Variants in RTL9 observed in about 807,000 individuals in gnomAD.
RTL9 encodes the protein retrotransposon Gag-like protein 9.
A neutral mutation model predicts 44.7 loss-of-function variants in RTL9; 19 were observed. The ratio of observed to expected loss-of-function variants is 0.42; its 90% CI spans 0.30 to 0.62. The LOEUF (loss-of-function observed/expected upper bound fraction) is 0.62. Ranked by LOEUF, RTL9 falls within the 20% of genes least tolerant of loss-of-function variation. RTL9 has a pLI of 0.16. For missense variants in RTL9, 1,105 were observed against 1,080.6 expected, an observed-to-expected ratio of 1.02 and a Z score of -0.32; for synonymous variants, 407 against 398.9, an observed-to-expected ratio of 1.02 and a Z score of -0.24.
At chrX:110,451,821 C>T (rs994816196) in exon 1 of RTL9, 2 of 1,209,195 alleles carry the variant, frequency 1.7e-6, no homozygotes, top group African/African-American at 1.8e-5. Flanking sequence ...GTCTGCACCA[C>T]CAGTAAGAGC....
At chrX:110,365,119 T>C (rs916650233) in intron 1 of RTL9, among the ~76,000 whole-genome samples, 1 of 111,960 alleles carries the variant, frequency 8.9e-6, no homozygotes, top group Admixed American at 9.5e-5. Flanking sequence ...CCCAGGGATG[T>C]CTTTCTCAGA....
chrX:110,430,275 A>T (rs947678572), intron 1 of RTL9, among the ~76,000 whole-genome samples: 1 of 112,987 alleles, frequency 8.9e-6, no homozygotes, highest in Non-Finnish European at 1.9e-5. Context: ...TCTGGTATTA[A>T]CAAAGAACAG....
At chrX:110,423,930 C>G (rs986203679) in intron 1 of RTL9, among the ~76,000 whole-genome samples, 5 of 112,391 alleles carry the variant, frequency 4.4e-5, no homozygotes, top group Admixed American at 9.4e-5. Context: ...TAAAGGATGT[C>G]TGTAGTTTTT....
chrX:110,429,470 T>TTG lies in RTL9; in HGVS notation c.-168+10336_-168+10337insGT, dbSNP rs1569428139. ...TTAGAGAAAAAGTGTTTTTTTTTTT[T>TTG]TTTGTTTTGTTTTTTTGGTTTTTTT... is the stretch of plus-strand genomic sequence containing the variant. On this transcript the variant is annotated intron_variant, in intron 1 of 3. Coordinates refer to the RTL9 transcript ENST00000465301. Among the ~76,000 whole-genome samples, 38 of 79,418 alleles carry TTG rather than the reference T, an allele frequency of 4.8e-4. 1 individual carries two copies. The highest frequency in any genetic ancestry group is 4.5e-3 in the African/African-American group (35 of 7,859). 69.0% of individuals were successfully genotyped at this position (79,418 alleles called of 115,157 possible).
chrX:110,373,627 C>G (rs944925268), intron 1 of RTL9, among the ~76,000 whole-genome samples: 3 of 112,479 alleles, frequency 2.7e-5, no homozygotes, highest in Non-Finnish European at 5.6e-5. Flanking sequence ...CAAGAAACTA[C>G]AGATAATACA....
intron 1 of RTL9, among the ~76,000 whole-genome samples, chrX:110,426,153 CG>C (rs1220041640): frequency 8.9e-6 from 1 of 111,956 alleles, no homozygotes; most frequent in African/African-American, 3.3e-5. Flanking sequence ...TAACCTAAAG[CG>C]GGGGTTTTGC....
At chrX:110,409,396 C>T (rs1470966924) in intron 1 of RTL9, among the ~76,000 whole-genome samples, 1 of 111,781 alleles carries the variant, frequency 8.9e-6, no homozygotes, top group Non-Finnish European at 1.9e-5. Context: ...GTTGTGTTTA[C>T]ATTCTCACTT....
intron 1 of RTL9, among the ~76,000 whole-genome samples, chrX:110,440,412 T>A (rs2068871540): frequency 1.8e-5 from 2 of 111,832 alleles, no homozygotes; most frequent in African/African-American, 6.5e-5. Context: ...AAGATCTGGG[T>A]CGCTGTGGGT....
chrX:110,408,017 A>G (rs1439359705), intron 1 of RTL9, among the ~76,000 whole-genome samples: 3 of 112,476 alleles, frequency 2.7e-5, no homozygotes, highest in Non-Finnish European at 5.6e-5. Flanking sequence ...ATATGCCGCA[A>G]AATGCACCCT....
chrX:110,392,362 A>T (rs753272351), intron 1 of RTL9, among the ~76,000 whole-genome samples: 4 of 107,427 alleles, frequency 3.7e-5, no homozygotes, highest in Non-Finnish European at 7.7e-5. Flanking sequence ...TGCAGCCTCA[A>T]ACTCCTGGGC....
chrX:110,426,224 G>GAGAATA (rs1414031930), intron 1 of RTL9, among the ~76,000 whole-genome samples: 1 of 112,483 alleles, frequency 8.9e-6, no homozygotes, highest in Non-Finnish European at 1.9e-5. Context: ...GATTCAGCCA[G>GAGAATA]AGAATAGTTA....
intron 1 of RTL9, among the ~76,000 whole-genome samples, chrX:110,405,816 C>T (rs1423796505): frequency 2.7e-5 from 3 of 111,796 alleles, no homozygotes; most frequent in African/African-American, 9.8e-5. Flanking sequence ...AACTTAAACG[C>T]AGATCCACCT....
chrX:110,383,662 C>G (rs1024216319), intron 1 of RTL9, among the ~76,000 whole-genome samples: 1 of 111,894 alleles, frequency 8.9e-6, no homozygotes, highest in South Asian at 3.7e-4. Flanking sequence ...AACATCCTTA[C>G]TCTTCTTATC....
At chrX:110,375,635 G>A (rs2068371409) in intron 1 of RTL9, among the ~76,000 whole-genome samples, 1 of 111,929 alleles carries the variant, frequency 8.9e-6, no homozygotes. Flanking sequence ...TGAAATCAGG[G>A]ATGGGGAAAT....
chrX:110,369,257 G>A (rs1052434589), intron 1 of RTL9, among the ~76,000 whole-genome samples: 7 of 111,146 alleles, frequency 6.3e-5, no homozygotes, highest in Non-Finnish European at 3.8e-5. Flanking sequence ...GCTTGAACCC[G>A]GGGGGTGGAG....
intron 1 of RTL9, among the ~76,000 whole-genome samples, chrX:110,377,225 A>G (rs1404086254): frequency 8.9e-6 from 1 of 112,080 alleles, no homozygotes; most frequent in Admixed American, 9.4e-5. Context: ...GACTAAGAAT[A>G]AAATTCACTT....
chrX:110,399,526 T>C (rs2068550287), intron 1 of RTL9, among the ~76,000 whole-genome samples: 1 of 112,433 alleles, frequency 8.9e-6, no homozygotes, highest in Non-Finnish European at 1.9e-5. Flanking sequence ...CTTAAAAAGA[T>C]TTGTTCACAG....
At chrX:110,367,984 T>TTAA (rs2068309740) in intron 1 of RTL9, among the ~76,000 whole-genome samples, 1 of 99,827 alleles carries the variant, frequency 1.0e-5, no homozygotes, top group African/African-American at 3.6e-5. Context: ...ATTATTATTA[T>TTAA]TATTATTATT....
At chrX:110,403,690 G>A (rs2068579913) in intron 1 of RTL9, among the ~76,000 whole-genome samples, 1 of 111,974 alleles carries the variant, frequency 8.9e-6, no homozygotes, top group Admixed American at 9.4e-5. Context: ...GAGAGCCTTT[G>A]TACGTTTATG....
Sources: gnomAD v4.1 joint callset for allele counts (sites outside exome capture counted in the v4.1 genomes callset) on GRCh38, gnomAD v4.1.1 for gene constraint, MANE v1.5 for transcripts, NCBI Gene and HGNC (gene_info 2026-07-23, HGNC 2026-07-21) for gene names.